CRMP1: variants seen among roughly 807,000 people sequenced by gnomAD.
CRMP1 encodes collapsin response mediator protein 1.
CRMP1 carries 19 observed loss-of-function variants against 68.3 expected under a neutral mutation model. That is an observed-to-expected ratio of 0.28 (90% CI 0.19 to 0.41). The LOEUF is 0.41. CRMP1 is among the 10% of genes least tolerant of loss of function. The pLI is 1.00. For missense variants in CRMP1, 791 were observed against 967.4 expected (o/e 0.82, Z 2.42); for synonymous variants, 439 against 399.6 (o/e 1.10, Z -1.18).
chr4:5,826,123 TACAC>T lies in CRMP1; in HGVS notation c.1804-468_1804-465del, dbSNP rs551289116. The T allele has an allele frequency of 8.3e-4, 157 of 189,954 alleles. 1 individual carries two copies. Among genetic ancestry groups the T allele is most frequent in the African/African-American group, 3.4e-3 (140 of 41,594 alleles). 11.8% of individuals were successfully genotyped at this position (189,954 alleles called of 1,614,324 possible). On this transcript the variant is annotated intron_variant, in intron 12 of 13. Coordinates refer to ENST00000324989, the MANE Select transcript of CRMP1 (RefSeq NM_001014809.3). ...AGGTATACACACCCATATATACACTTACACACACGCATACTCATACACACAAAGC... is the reference window on the plus strand; with the variant it reads ...AGGTATACACACCCATATATACACTTACACGCATACTCATACACACAAAGC...
intron 1 of CRMP1, among the ~76,000 whole-genome samples, chr4:5,869,892 C>T (rs1293432025): frequency 1.3e-5 from 2 of 152,020 alleles, no homozygotes; most frequent in Non-Finnish European, 2.9e-5. Context: ...CTGTGGGCAA[C>T]CAGAGCTTGA....
intron 5 of CRMP1, 34 bp from the exon 6 acceptor site, chr4:5,849,506 TTA>T: frequency 6.9e-7 from 1 of 1,457,162 alleles, no homozygotes; most frequent in Non-Finnish European, 9.5e-7. Flanking sequence ...GGTGTGAGAT[TTA>T]AAAAAAAAAA....
In CRMP1 at chr4:5,835,364, C is replaced by T. The variant is rs539060110; in HGVS notation, c.1623+551G>A. ...TCTCTGCATGCACCCTCTCTGTGCA[C>T]GCATCTTTGGTAGGTTGCTGGATGA... On this transcript the variant is annotated intron_variant, in intron 11 of 13. Transcript: ENST00000324989. Among the ~76,000 whole-genome samples, 8 of 152,198 alleles carry T rather than the reference C, an allele frequency of 5.3e-5. 1 individual carries two copies. Among genetic ancestry groups the T allele is most frequent in the African/African-American group, 7.2e-5 (3 of 41,444 alleles).
chr4:5,825,717 G>A lies in CRMP1; in HGVS notation c.1804-58C>T, dbSNP rs79859278. The A allele has an allele frequency of 6.2e-4, 974 of 1,562,920 alleles. 6 individuals carry two copies. The East Asian group carries it at 0.02, about 31-fold the overall frequency. Reference sequence around the variant, plus strand: ...ACACTGTGCATGTGTGCCCTTCTGGGCAGATAAAGCAGAGCCCTGCGGGCG... The same window carrying A: ...ACACTGTGCATGTGTGCCCTTCTGGACAGATAAAGCAGAGCCCTGCGGGCG... On this transcript the variant is annotated intron_variant, in intron 12 of 13. Coordinates refer to ENST00000324989, the MANE Select transcript of CRMP1 (RefSeq NM_001014809.3). The surrounding 1 kb of genome is among the most constrained non-coding windows in gnomAD (Gnocchi z 4.4).
At position 5,834,993 on chromosome 4, in the gene CRMP1, GCTTT is replaced by G. The variant is rs542582692; in HGVS notation, c.1623+918_1623+921del. ...TGAGCTGCTACAAGTGTTTCCTGTG[GCTTT>G]CTTATGAAACTTCCTTGTGCCTCAT... On this transcript the variant is annotated intron_variant, in intron 11 of 13. Transcript: ENST00000324989. This position sits in a 1 kb window ranked among gnomAD's most constrained non-coding sequence, Gnocchi z 4.3. Among the ~76,000 whole-genome samples the G allele has an allele frequency of 7.2e-4, 110 of 152,288 alleles. 1 individual carries two copies. The highest frequency in any genetic ancestry group is 2.6e-3 in the African/African-American group (108 of 41,574).
In CRMP1 at chr4:5,825,780, A is replaced by G; in HGVS notation, c.1804-121T>C. The G allele has an allele frequency of 2.2e-6, 2 of 889,220 alleles. No homozygotes were observed. Among genetic ancestry groups the G allele is most frequent in the East Asian group, 2.8e-5 (1 of 35,692 alleles). 55.1% of individuals were successfully genotyped at this position (889,220 alleles called of 1,614,324 possible). On this transcript the variant is annotated intron_variant, in intron 12 of 13. Coordinates refer to ENST00000324989, the MANE Select transcript of CRMP1 (RefSeq NM_001014809.3). This position sits in a 1 kb window ranked among gnomAD's most constrained non-coding sequence, Gnocchi z 4.4. ...GAGGTCACTTCAAATGTGCATGCAC[A>G]CACACACACAACACGCACACACGAC... is the stretch of plus-strand genomic sequence containing the variant.
intron 1 of CRMP1, among the ~76,000 whole-genome samples, chr4:5,876,675 T>G (rs1277298842): frequency 6.6e-6 from 1 of 152,256 alleles, no homozygotes; most frequent in Non-Finnish European, 1.5e-5. Context: ...AAAGGCCACA[T>G]ACTCATGATG....
Position 5,872,673 on chromosome 4 carries a change from C to T in CRMP1, c.382-5917G>A, listed in dbSNP as rs1330255751. ...CTGCAGTCCAGCCTGGGCAACAGAG[C>T]GAGACTCCATCTCAAAAAACAATTA... On this transcript the variant is annotated intron_variant, in intron 1 of 13. Coordinates refer to ENST00000324989, the MANE Select transcript of CRMP1 (RefSeq NM_001014809.3). The surrounding 1 kb of genome is among the most constrained non-coding windows in gnomAD (Gnocchi z 4.6). Among the ~76,000 whole-genome samples the T allele has an allele frequency of 2.0e-5, 3 of 152,108 alleles. No individual in the cohort carries two copies. Among genetic ancestry groups the T allele is most frequent in the Non-Finnish European group, 2.9e-5 (2 of 68,014 alleles).
chr4:5,836,667 G>A, intron 10 of CRMP1, 98 bp downstream of exon 10: 1 of 1,573,248 alleles, frequency 6.4e-7, no homozygotes, highest in African/African-American at 1.3e-5. Flanking sequence ...CTCCATGTAA[G>A]AAGGGAACTT....
rs954295073 is a variant in CRMP1 at position 5,866,971 on chromosome 4, C to T, written c.382-215G>A. ...CCCCTCTCACTTTGTTTTGTTTTTG[C>T]TGAGGTGTTTTAAAACAAAGCACAA... is the stretch of plus-strand genomic sequence containing the variant. On this transcript the variant is annotated intron_variant, in intron 1 of 13. Coordinates refer to ENST00000324989, the MANE Select transcript of CRMP1 (RefSeq NM_001014809.3). The surrounding 1 kb of genome is among the most constrained non-coding windows in gnomAD (Gnocchi z 5.9). Among the ~76,000 whole-genome samples, 3 of 152,086 alleles carry T rather than the reference C, an allele frequency of 2.0e-5. No homozygotes were observed. The highest frequency in any genetic ancestry group is 7.2e-5 in the African/African-American group (3 of 41,414).
In CRMP1 at chr4:5,865,969, G is replaced by A. The variant is rs1713968255; in HGVS notation, c.470+699C>T. 6.6e-6 allele frequency among the ~76,000 whole-genome samples: 1 copy of A among 152,106 alleles called. No individual in the cohort carries two copies. Among genetic ancestry groups the A allele is most frequent in the Admixed American group, 6.6e-5 (1 of 15,264 alleles). On this transcript the variant is annotated intron_variant, in intron 2 of 13. Coordinates refer to ENST00000324989, the MANE Select transcript of CRMP1 (RefSeq NM_001014809.3). The surrounding 1 kb of genome is among the most constrained non-coding windows in gnomAD (Gnocchi z 4.1). ...AGGAAGAAGTTCAGGAAGGCCTCAG[G>A]AAGAACCAACCCTGACGGCAGCTTG...
In CRMP1 at chr4:5,892,779, G is replaced by C. The variant is rs1716012783; in HGVS notation, c.191C>G (p.Pro64Arg). ...CGCGTCGGGCCGGCCAGCGCTGCGC[G>C]GCGTGCGCGCCGAGCCGCGGCGGCC... ...SVGRRGSART[P>R]RSAGRPDAVG... The change falls in exon 1 of 14, where the codon CCG becomes CGG. Residue 64 changes from proline (P) to arginine (R), a missense_variant. Transcript: ENST00000324989. This position sits in a 1 kb window ranked among gnomAD's most constrained non-coding sequence, Gnocchi z 8.6. 1 of 1,293,806 alleles carries C rather than the reference G, an allele frequency of 7.7e-7. No homozygotes were observed. Among genetic ancestry groups the C allele is most frequent in the South Asian group, 2.2e-5 (1 of 45,808 alleles). 80.1% of individuals were successfully genotyped at this position (1,293,806 alleles called of 1,614,324 possible). A position where few individuals can be genotyped will look rare whatever the true frequency, so the allele number is the denominator to read the frequency against.
rs1414324525 is a variant in CRMP1, at chr4:5,844,669, A to C, written c.964-1508T>G. Among the ~76,000 whole-genome samples the C allele has an allele frequency of 4.6e-5, 7 of 152,368 alleles. 1 individual carries two copies. The highest frequency in any genetic ancestry group is 1.7e-4 in the African/African-American group (7 of 41,596). On this transcript the variant is annotated intron_variant, in intron 6 of 13. Transcript: ENST00000324989. Reference sequence around the variant, plus strand: ...TGGATGTGCTGGAGCTGGAACAGCTAAATCTCTGCTGGCAGTGAGGAGAGC... The same window carrying C: ...TGGATGTGCTGGAGCTGGAACAGCTCAATCTCTGCTGGCAGTGAGGAGAGC...
At chr4:5,864,583 C>G (rs538069188) in intron 2 of CRMP1, among the ~76,000 whole-genome samples, 1 of 152,152 alleles carries the variant, frequency 6.6e-6, no homozygotes, top group East Asian at 1.9e-4. Flanking sequence ...CGGGGGGCCA[C>G]GAGGCAAGGC....
chr4:5,828,749 A>G, intron 11 of CRMP1, 81 bp from the exon 12 acceptor site: 5 of 1,488,012 alleles, frequency 3.4e-6, no homozygotes, highest in African/African-American at 1.4e-5. Context: ...TTTGCCTAAC[A>G]TTATATCATA....
chr4:5,828,846 A>G (rs1018513664), intron 11 of CRMP1, among the ~76,000 whole-genome samples, 178 bp from the exon 12 acceptor site: 3 of 152,220 alleles, frequency 2.0e-5, no homozygotes, highest in African/African-American at 7.2e-5. Context: ...GTATATAACC[A>G]ACAACTCACC....
rs1022007404 is a variant in CRMP1 at position 5,881,092 on chromosome 4, G to A, written c.381+11497C>T. ...TGGACACAGCTGATACAAAGGCAGA[G>A]GGCCACACATGGTGTGCCAGGTCAA... On this transcript the variant is annotated intron_variant, in intron 1 of 13. Coordinates refer to ENST00000324989, the MANE Select transcript of CRMP1 (RefSeq NM_001014809.3). This position sits in a 1 kb window ranked among gnomAD's most constrained non-coding sequence, Gnocchi z 4.6. Among the ~76,000 whole-genome samples the A allele has an allele frequency of 6.6e-6, 1 of 152,240 alleles. No individual in the cohort carries two copies. The highest frequency in any genetic ancestry group is 2.4e-5 in the African/African-American group (1 of 41,468).
intron 1 of CRMP1, among the ~76,000 whole-genome samples, chr4:5,875,273 CT>C (rs1714728146): frequency 6.6e-6 from 1 of 152,026 alleles, no homozygotes; most frequent in East Asian, 1.9e-4. Context: ...CTGTCTATTC[CT>C]GAGTGAGGCA....
In CRMP1 at chr4:5,877,864, C is replaced by T. The variant is rs987122004; in HGVS notation, c.382-11108G>A. 6.6e-6 allele frequency among the ~76,000 whole-genome samples: 1 copy of T among 152,210 alleles called. No homozygotes were observed. Among genetic ancestry groups the T allele is most frequent in the African/African-American group, 2.4e-5 (1 of 41,438 alleles). On this transcript the variant is annotated intron_variant, in intron 1 of 13. Transcript: ENST00000324989. The surrounding 1 kb of genome is among the most constrained non-coding windows in gnomAD (Gnocchi z 4.3). ...CTGAATATCTGATTTTAAAACAGCA[C>T]ACCTCTGTCACAACCCTAAGAGTGG...
Sources: gnomAD v4.1 joint callset for allele counts (sites outside exome capture counted in the v4.1 genomes callset) on GRCh38, gnomAD v4.1.1 for gene constraint, Gnocchi (gnomAD v3.1) non-coding constraint, MANE v1.5 for transcripts, NCBI Gene and HGNC (gene_info 2026-07-23, HGNC 2026-07-21) for gene names.